The following ATF7IP variants were observed in gnomAD, a reference collection of about 807,000 sequenced individuals.
ATF7IP encodes activating transcription factor 7-interacting protein 1.
A neutral mutation model predicts 106.4 loss-of-function variants in ATF7IP; 23 were observed. That is an observed-to-expected ratio of 0.22 (90% CI 0.16 to 0.31). ATF7IP has a LOEUF of 0.31. Ranked by LOEUF, ATF7IP falls within the 10% of genes least tolerant of loss-of-function variation. ATF7IP has a pLI of 1.00. For synonymous variants in ATF7IP, 542 were observed against 539.0 expected, an observed-to-expected ratio of 1.01 and a Z score of -0.08; for missense variants, 1,334 against 1,524.3, an observed-to-expected ratio of 0.88 and a Z score of 2.08.
intron 13 of ATF7IP, among the ~76,000 whole-genome samples, chr12:14,495,664 A>G (rs1329257429): frequency 1.3e-5 from 2 of 152,144 alleles, no homozygotes; most frequent in African/African-American, 4.8e-5. Context: ...ATCCTCAACC[A>G]AGGAGCTGGG....
chr12:14,497,522 G>T, intron 14 of ATF7IP, 132 bp from the exon 15 acceptor site: 2 of 944,910 alleles, frequency 2.1e-6, no homozygotes, highest in Non-Finnish European at 3.1e-6. Context: ...ATTTGATATG[G>T]TATTTGGTAT....
At chr12:14,449,934 T>G (rs1014593058) in intron 6 of ATF7IP, among the ~76,000 whole-genome samples, 32 of 152,272 alleles carry the variant, frequency 2.1e-4, no homozygotes, top group African/African-American at 7.5e-4. Context: ...CCTAAGTATT[T>G]TATTCTTTTC....
chr12:14,436,008 T>A (rs960896733), intron 3 of ATF7IP, 98 bp from the exon 4 acceptor site: 20 of 1,241,064 alleles, frequency 1.6e-5, no homozygotes, highest in Non-Finnish European at 2.1e-5. Context: ...TTGAGAAGGC[T>A]ATTATGATAG....
At chr12:14,422,105 C>T (rs1941547291) in intron 1 of ATF7IP, among the ~76,000 whole-genome samples, 1 of 152,024 alleles carries the variant, frequency 6.6e-6, no homozygotes, top group South Asian at 2.1e-4. Flanking sequence ...TTGAAAATAA[C>T]ACTTAAGCTT....
rs746373895 is a variant in ATF7IP, at chr12:14,478,275, T to C, written c.2942-42T>C. The C allele has an allele frequency of 6.9e-6, 11 of 1,595,702 alleles. No homozygotes were observed. In the East Asian group the frequency reaches 2.5e-4, roughly 36 times the overall value. Reference sequence around the variant, plus strand: ...TAGAGGAAAGACTTGTATTTCCTGATTTTTTTCTTGTCAGTCATAATATTT... The same window carrying C: ...TAGAGGAAAGACTTGTATTTCCTGACTTTTTTCTTGTCAGTCATAATATTT... On this transcript the variant is annotated intron_variant, in intron 11 of 14. Coordinates refer to ENST00000261168, the MANE Select transcript of ATF7IP (RefSeq NM_018179.5).
intron 1 of ATF7IP, among the ~76,000 whole-genome samples, chr12:14,421,602 G>T (rs1257776198): frequency 6.6e-6 from 1 of 152,112 alleles, no homozygotes; most frequent in Non-Finnish European, 1.5e-5. Flanking sequence ...TTGGATTAGG[G>T]CTCACTTTAG....
chr12:14,472,100 G>A (rs564252698), intron 10 of ATF7IP, among the ~76,000 whole-genome samples: 14 of 142,026 alleles, frequency 9.9e-5, no homozygotes, highest in Non-Finnish European at 1.7e-4. Context: ...CACATATATC[G>A]TATAGCCTTA....
chr12:14,482,203 A>G (rs1012919230), intron 13 of ATF7IP: 4 of 152,118 alleles, frequency 2.6e-5, no homozygotes, highest in African/African-American at 9.7e-5. Flanking sequence ...CTACTTTTCT[A>G]TTAGTCATTC....
chr12:14,422,312 T>TACACACACAC (rs59503201), intron 1 of ATF7IP, among the ~76,000 whole-genome samples: 51 of 142,336 alleles, frequency 3.6e-4, no homozygotes, highest in African/African-American at 9.9e-4. Context: ...AAAAAGAGAA[T>TACACACACAC]ACACACACAC....
At chr12:14,396,667 A>AT (rs1453467756) in intron 1 of ATF7IP, among the ~76,000 whole-genome samples, 1 of 152,128 alleles carries the variant, frequency 6.6e-6, no homozygotes, top group South Asian at 2.1e-4. Context: ...TTGTGCTATT[A>AT]TATTGGTTAG....
intron 1 of ATF7IP, among the ~76,000 whole-genome samples, chr12:14,379,634 T>C (rs954049948): frequency 3.3e-5 from 5 of 152,026 alleles, no homozygotes; most frequent in African/African-American, 1.2e-4. Flanking sequence ...TTAAAGACAA[T>C]GCATGTTTGA....
At chr12:14,432,737 C>G (rs1220368387) in intron 2 of ATF7IP, among the ~76,000 whole-genome samples, 1 of 152,070 alleles carries the variant, frequency 6.6e-6, no homozygotes, top group Non-Finnish European at 1.5e-5. Flanking sequence ...GAAGAAATGT[C>G]TTATCAGAAT....
chr12:14,373,255 C>T (rs550353649), intron 1 of ATF7IP, among the ~76,000 whole-genome samples: 2 of 152,280 alleles, frequency 1.3e-5, no homozygotes, highest in East Asian at 3.9e-4. Context: ...AGAGTAAAAA[C>T]TAAGCTGCCA....
intron 13 of ATF7IP, among the ~76,000 whole-genome samples, chr12:14,492,274 G>T (rs1944851760): frequency 6.6e-6 from 1 of 152,120 alleles, no homozygotes; most frequent in Non-Finnish European, 1.5e-5. Context: ...TGATGCTTTG[G>T]GTCTCCTGGG....
chr12:14,440,596 G>T (rs1387124233), intron 5 of ATF7IP, among the ~76,000 whole-genome samples: 1 of 151,662 alleles, frequency 6.6e-6, no homozygotes, highest in East Asian at 1.9e-4. Context: ...TTTGTGTCTT[G>T]TTCCAGTATT....
chr12:14,425,394 G>C lies in ATF7IP; in HGVS notation c.1479G>C (p.Leu493=). 6.2e-7 allele frequency: 1 copy of C among 1,610,922 alleles called. No individual in the cohort carries two copies. The highest frequency in any genetic ancestry group is 8.5e-7 in the Non-Finnish European group (1 of 1,179,114). Residue 493 remains leucine, a synonymous_variant, in exon 2 of 15, where the codon CTG becomes CTC. Transcript: ENST00000261168. ...SSESLPKEAF[L]VLSDEEDISG... ...AGAGTTTGCCAAAAGAAGCCTTTCT[G>C]GTCCTCTCTGATGAAGAGGATATTT...
At chr12:14,390,573 G>T (rs1235349963) in intron 1 of ATF7IP, among the ~76,000 whole-genome samples, 1 of 152,220 alleles carries the variant, frequency 6.6e-6, no homozygotes, top group Non-Finnish European at 1.5e-5. Context: ...TTCAAGCTAT[G>T]CAGTTTACTG....
chr12:14,457,106 C>A, intron 7 of ATF7IP, 101 bp from the exon 8 acceptor site: 2 of 996,626 alleles, frequency 2.0e-6, no homozygotes, highest in Non-Finnish European at 3.0e-6. Flanking sequence ...CCAAGTCTAG[C>A]CACCCTTTTT....
intron 1 of ATF7IP, chr12:14,423,702 T>C: frequency 2.2e-6 from 1 of 448,988 alleles, no homozygotes; most frequent in Non-Finnish European, 3.7e-6. Context: ...TAGTTGATTT[T>C]CTAGTAGACT....
Sources: gnomAD v4.1 joint callset for allele counts (sites outside exome capture counted in the v4.1 genomes callset) on GRCh38, gnomAD v4.1.1 for gene constraint, MANE v1.5 for transcripts, NCBI Gene and HGNC (gene_info 2026-07-23, HGNC 2026-07-21) for gene names.